The following DNMBP variants were observed in gnomAD, a reference collection of about 807,000 sequenced individuals.
DNMBP encodes the protein dynamin-binding protein.
DNMBP carries 87 observed loss-of-function variants against 150.0 expected under a neutral mutation model. The observed-to-expected ratio is 0.58, with a 90% CI of 0.49 to 0.69. DNMBP has a LOEUF of 0.69. Among genes scored for constraint, DNMBP ranks in the 30% least tolerant of loss-of-function variants. The pLI is 0.00. For missense variants in DNMBP, 1,774 were observed against 1,949.0 expected (o/e 0.91, Z 1.69); for synonymous variants, 711 against 750.4 (o/e 0.95, Z 0.86).
intron 1 of DNMBP, among the ~76,000 whole-genome samples, chr10:99,999,774 A>C (rs2040990097): frequency 6.6e-6 from 1 of 152,188 alleles, no homozygotes; most frequent in Non-Finnish European, 1.5e-5. Context: ...TATTTACTGG[A>C]GGTCTTGGAA....
Position 99,956,154 on chromosome 10 carries a change from T to C in DNMBP, c.1320A>G (p.Ser440=), listed in dbSNP as rs1204933567. The change falls in exon 4 of 17, where the codon TCA becomes TCG. Residue 440 remains serine, a synonymous_variant. Transcript: ENST00000324109. ...YSTVGGSHPH[S]EQYPDLLPLE... is the part of the protein sequence containing the mutation. The stretch of plus-strand genomic sequence containing the variant: ...GGGGAAGAAGGTCGGGGTACTGTTC[T>C]GAGTGCGGGTGGCTCCCTCCCACTG... 1 of 1,614,174 alleles carries C rather than the reference T, an allele frequency of 6.2e-7. No individual in the cohort carries two copies.
chr10:99,987,806 C>T (rs959164061), intron 1 of DNMBP, among the ~76,000 whole-genome samples: 1 of 151,172 alleles, frequency 6.6e-6, no homozygotes, highest in Non-Finnish European at 1.5e-5. Flanking sequence ...TGAGAGAGAA[C>T]AAAAAGGATA....
chr10:99,900,656 A>G (rs2039726009), intron 6 of DNMBP, among the ~76,000 whole-genome samples: 1 of 145,902 alleles, frequency 6.9e-6, no homozygotes, highest in African/African-American at 2.5e-5. Flanking sequence ...TTTTCCTGAG[A>G]CGGAGTCTCT....
chr10:99,964,522 C>T (rs2040598759), intron 3 of DNMBP, among the ~76,000 whole-genome samples: 1 of 150,366 alleles, frequency 6.7e-6, no homozygotes, highest in Non-Finnish European at 1.5e-5. Flanking sequence ...TAGTCAGGGG[C>T]ACTGGCCACC....
chr10:99,949,726 A>T (rs2040397983), intron 4 of DNMBP, among the ~76,000 whole-genome samples: 1 of 152,232 alleles, frequency 6.6e-6, no homozygotes, highest in African/African-American at 2.4e-5. Context: ...ACAGCACTAA[A>T]CAGCAATTTT....
chr10:99,965,313 G>T (rs903802565), intron 3 of DNMBP, among the ~76,000 whole-genome samples: 11 of 152,174 alleles, frequency 7.2e-5, no homozygotes, highest in African/African-American at 2.4e-4. Flanking sequence ...TTAAACTTAG[G>T]CCTGTCAGAA....
At chr10:99,964,231 T>C (rs1157416950) in intron 3 of DNMBP, among the ~76,000 whole-genome samples, 1 of 148,934 alleles carries the variant, frequency 6.7e-6, no homozygotes, top group Non-Finnish European at 1.5e-5. Context: ...CAACCTCTGC[T>C]TTCCGGGTTC....
chr10:99,900,560 G>A (rs74532671), intron 6 of DNMBP, among the ~76,000 whole-genome samples: 4,793 of 152,174 alleles, frequency 0.031, 80 homozygotes, highest in South Asian at 0.079. Flanking sequence ...CTTTGCAGTC[G>A]AGCCAAGTCA....
Position 99,898,219 on chromosome 10 carries a change from G to A in DNMBP, c.2787C>T (p.Tyr929=). The A allele has an allele frequency of 1.2e-6, 2 of 1,614,000 alleles. No homozygotes were observed. Among genetic ancestry groups the A allele is most frequent in the African/African-American group, 2.7e-5 (2 of 74,986 alleles). ...LIKPVQRVMR[Y]PLLLMELLNS... is the part of the protein sequence containing the mutation. Reference sequence around the variant, plus strand: ...TCAGCAACTCCATTAGCAACAGCGGGTAACGCATTACTCTCTGTACTGGTT... The same window carrying A: ...TCAGCAACTCCATTAGCAACAGCGGATAACGCATTACTCTCTGTACTGGTT... Residue 929 remains tyrosine, a synonymous_variant, in exon 9 of 17, where the codon TAC becomes TAT. Transcript: ENST00000324109.
At chr10:99,948,920 G>A (rs756586210) in intron 4 of DNMBP, among the ~76,000 whole-genome samples, 2 of 151,588 alleles carry the variant, frequency 1.3e-5, no homozygotes, top group African/African-American at 2.4e-5. Flanking sequence ...CCAAGATCAC[G>A]CCATTGCACT....
chr10:99,965,401 T>TTAA (rs1186008615), intron 3 of DNMBP, among the ~76,000 whole-genome samples: 1 of 152,158 alleles, frequency 6.6e-6, no homozygotes, highest in Non-Finnish European at 1.5e-5. Flanking sequence ...TTTTCTCTTA[T>TTAA]TAATCCTAAT....
chr10:99,975,048 C>G (rs991905518), intron 1 of DNMBP, among the ~76,000 whole-genome samples: 4 of 152,172 alleles, frequency 2.6e-5, no homozygotes, highest in Non-Finnish European at 5.9e-5. Context: ...GGAGAAGCCA[C>G]CATACCTGAC....
At chr10:99,878,951 T>A (rs1227717422) in intron 16 of DNMBP, among the ~76,000 whole-genome samples, 2 of 150,358 alleles carry the variant, frequency 1.3e-5, no homozygotes, top group Non-Finnish European at 3.0e-5. Context: ...GGAAACCCTG[T>A]CTCTAATAAA....
intron 2 of DNMBP, 35 bp from the exon 3 acceptor site, chr10:99,969,272 C>G (rs1049708812): frequency 6.2e-7 from 1 of 1,611,542 alleles, no homozygotes. Flanking sequence ...AATTTTAATA[C>G]TGAGATTTCT....
intron 1 of DNMBP, among the ~76,000 whole-genome samples, chr10:99,996,708 T>C (rs2040955208): frequency 6.6e-6 from 1 of 152,214 alleles, no homozygotes; most frequent in African/African-American, 2.4e-5. Flanking sequence ...TTATTAACCA[T>C]TTGACTTTAA....
intron 4 of DNMBP, among the ~76,000 whole-genome samples, chr10:99,917,293 G>C (rs1442197613): frequency 1.3e-5 from 2 of 152,198 alleles, no homozygotes; most frequent in African/African-American, 4.8e-5. Flanking sequence ...GGAGATGGAG[G>C]TTGCAGTGAG....
chr10:99,892,181 G>A (rs2039580809), intron 11 of DNMBP, among the ~76,000 whole-genome samples: 2 of 137,486 alleles, frequency 1.5e-5, no homozygotes, highest in Admixed American at 7.1e-5. Flanking sequence ...GGGGGGGTCA[G>A]CCCCCTGCCC....
At chr10:99,915,962 A>G (rs2039961306) in intron 4 of DNMBP, among the ~76,000 whole-genome samples, 1 of 152,154 alleles carries the variant, frequency 6.6e-6, no homozygotes, top group African/African-American at 2.4e-5. Context: ...AAGGCAAACC[A>G]TATGCATTCT....
rs941684804 is a variant in DNMBP, at chr10:99,972,048, C to T, written c.77G>A (p.Gly26Glu). The change falls in exon 2 of 17, where the codon GGA becomes GAA. Residue 26 changes from glycine to glutamate, a missense_variant. Around this residue, in one of 2 missense-constraint regions of DNMBP, gnomAD observed 344 missense variants for 456.6 expected, o/e 0.75. Transcript: ENST00000324109. The stretch of plus-strand genomic sequence containing the variant: ...CACTGCCAGCACCTCAATAATATCT[C>T]CCACAAAGAGCGGCAGTTCTTCTGA... ...SVSEELPLFV[G>E]DIIEVLAVVD... 14 of 1,613,922 alleles carry T rather than the reference C, an allele frequency of 8.7e-6. No homozygotes were observed. Among genetic ancestry groups the T allele is most frequent in the African/African-American group, 1.3e-5 (1 of 74,874 alleles).
Sources: allele counts gnomAD v4.1 joint callset (sites outside exome capture counted in the v4.1 genomes callset), GRCh38; gene constraint gnomAD v4.1.1; regional missense constraint gnomAD v4.1.1; transcripts MANE v1.5; gene names NCBI Gene and HGNC (gene_info 2026-07-23, HGNC 2026-07-21).